ACOT12: variants seen among roughly 807,000 people sequenced by gnomAD.
ACOT12 encodes the protein acyl-CoA thioesterase 12, also known as acetyl-coenzyme A thioesterase.
ACOT12 carries 51 observed loss-of-function variants against 67.7 expected under a neutral mutation model. The observed-to-expected ratio is 0.75, with a 90% CI of 0.60 to 0.95. The LOEUF is 0.95. ACOT12 is among the 40% of genes least tolerant of loss of function. ACOT12 has a pLI of 0.00. For missense variants in ACOT12, 734 were observed against 708.1 expected (o/e 1.04, Z -0.41); for synonymous variants, 251 against 244.6 (o/e 1.03, Z -0.24).
chr5:81,387,241 G>A (rs371065746), intron 1 of ACOT12, among the ~76,000 whole-genome samples: 3 of 151,988 alleles, frequency 2.0e-5, no homozygotes, highest in Admixed American at 6.6e-5. Flanking sequence ...TCCTGACCTC[G>A]TGATCTGCCT....
chr5:81,345,736 G>T, intron 7 of ACOT12, 149 bp downstream of exon 7: 5 of 1,055,008 alleles, frequency 4.7e-6, no homozygotes, highest in South Asian at 3.2e-5. Flanking sequence ...CAGAACAAAG[G>T]GTTAAAAATA....
chr5:81,363,574 C>T (rs576018637), intron 4 of ACOT12, among the ~76,000 whole-genome samples: 18 of 152,090 alleles, frequency 1.2e-4, no homozygotes, highest in African/African-American at 2.7e-4. Flanking sequence ...CTTTCTATAT[C>T]GTCTTTTCTC....
At chr5:81,331,832 T>C (rs1758839104) in intron 13 of ACOT12, among the ~76,000 whole-genome samples, 1 of 152,270 alleles carries the variant, frequency 6.6e-6, no homozygotes, top group African/African-American at 2.4e-5. Context: ...AAGGTGTTTC[T>C]CTATCAGTCC....
chr5:81,322,180 A>G, the ACOT12 span, among the ~76,000 whole-genome samples: 3 of 152,174 alleles, frequency 2.0e-5, no homozygotes, highest in South Asian at 2.1e-4. Flanking sequence ...AGGAAACTCA[A>G]TATATCCCAA....
At chr5:81,341,688 A>G (rs1203875242) in intron 11 of ACOT12, among the ~76,000 whole-genome samples, 1 of 152,166 alleles carries the variant, frequency 6.6e-6, no homozygotes, top group Non-Finnish European at 1.5e-5. Flanking sequence ...GGGAGCTTAC[A>G]GTCTAGTTAT....
intron 3 of ACOT12, among the ~76,000 whole-genome samples, chr5:81,370,996 T>C (rs563860177): frequency 6.6e-6 from 1 of 152,200 alleles, no homozygotes; most frequent in African/African-American, 2.4e-5. Flanking sequence ...AAAAATCTTC[T>C]AAATTTACCT....
At chr5:81,362,329 T>C (rs1759939356) in intron 4 of ACOT12, among the ~76,000 whole-genome samples, 1 of 151,792 alleles carries the variant, frequency 6.6e-6, no homozygotes, top group Admixed American at 6.6e-5. Context: ...CCACGCCCAG[T>C]TAATTTTTGT....
intron 2 of ACOT12, among the ~76,000 whole-genome samples, chr5:81,384,802 G>A (rs1173663670): frequency 6.6e-6 from 1 of 152,166 alleles, no homozygotes; most frequent in Non-Finnish European, 1.5e-5. Context: ...ATGGGGGAGT[G>A]TGGAGAGGTA....
At chr5:81,337,689 C>T (rs2153845463) in intron 11 of ACOT12, among the ~76,000 whole-genome samples, 1 of 152,302 alleles carries the variant, frequency 6.6e-6, no homozygotes, top group East Asian at 1.9e-4. Context: ...AACAGATTGT[C>T]CCTCACAGGC....
the ACOT12 span, chr5:81,309,114 G>A: frequency 4.9e-5 from 54 of 1,100,516 alleles, no homozygotes; most frequent in Non-Finnish European, 6.6e-5. Context: ...CTCAATCACA[G>A]TTCTTGAATA....
At chr5:81,312,726 G>C in the ACOT12 span, 2 of 1,241,382 alleles carry the variant, frequency 1.6e-6, no homozygotes, top group Non-Finnish European at 2.3e-6. Context: ...CCCGCTTCAC[G>C]AGTTAGAGTT....
chr5:81,350,695 G>C (rs1759525823), intron 5 of ACOT12, among the ~76,000 whole-genome samples: 1 of 152,174 alleles, frequency 6.6e-6, no homozygotes, highest in African/African-American at 2.4e-5. Flanking sequence ...TTTTAGCCCA[G>C]ACAGGTCATG....
At chr5:81,373,932 G>A (rs1760332865) in intron 2 of ACOT12, among the ~76,000 whole-genome samples, 1 of 152,206 alleles carries the variant, frequency 6.6e-6, no homozygotes, top group African/African-American at 2.4e-5. Flanking sequence ...AAATGTCCCT[G>A]CCTGATGGCT....
At chr5:81,330,719 A>G in intron 14 of ACOT12, 95 bp downstream of exon 14, 1 of 1,547,322 alleles carries the variant, frequency 6.5e-7, no homozygotes, top group Non-Finnish European at 8.7e-7. Context: ...GACACAAATT[A>G]CAAGATTACA....
intron 11 of ACOT12, among the ~76,000 whole-genome samples, chr5:81,336,662 T>A (rs1759013509): frequency 6.6e-6 from 1 of 152,162 alleles, no homozygotes; most frequent in Non-Finnish European, 1.5e-5. Flanking sequence ...TAAGAACACA[T>A]TTCTATCCTT....
chr5:81,371,671 C>A (rs1580580047), intron 3 of ACOT12, 79 bp downstream of exon 3: 2 of 1,388,212 alleles, frequency 1.4e-6, no homozygotes, highest in Non-Finnish European at 2.0e-6. Context: ...AAATATTAGT[C>A]TAGGCCTCCT....
intron 3 of ACOT12, among the ~76,000 whole-genome samples, chr5:81,370,404 C>A (rs1191023003): frequency 6.6e-6 from 1 of 152,218 alleles, no homozygotes; most frequent in Non-Finnish European, 1.5e-5. Flanking sequence ...TATGTCCTAA[C>A]CCCCAGTACC....
At chr5:81,343,766 T>C in intron 10 of ACOT12, 52 bp downstream of exon 10, 1 of 1,585,400 alleles carries the variant, frequency 6.3e-7, no homozygotes, top group African/African-American at 1.4e-5. Flanking sequence ...GGATTTCCAT[T>C]TTTGTAATGA....
At chr5:81,392,960 T>C (rs1760901997) in intron 1 of ACOT12, among the ~76,000 whole-genome samples, 1 of 152,244 alleles carries the variant, frequency 6.6e-6, no homozygotes, top group Non-Finnish European at 1.5e-5. Context: ...GGACCAGGAT[T>C]CCACTCTTAT....
Sources: allele counts gnomAD v4.1 joint callset (sites outside exome capture counted in the v4.1 genomes callset), GRCh38; gene constraint gnomAD v4.1.1; transcripts MANE v1.5; gene names NCBI Gene and HGNC (gene_info 2026-07-23, HGNC 2026-07-21).